NPAS3: variants seen among roughly 807,000 people sequenced by gnomAD.
NPAS3 encodes the protein neuronal PAS domain-containing protein 3.
A neutral mutation model predicts 73.1 loss-of-function variants in NPAS3; 14 were observed. The observed-to-expected ratio is 0.19, with a 90% confidence interval of 0.13 to 0.30. The LOEUF (loss-of-function observed/expected upper bound fraction) is 0.30. Among genes scored for constraint, NPAS3 ranks in the 10% least tolerant of loss-of-function variants. The probability of loss-of-function intolerance (pLI) is 1.00; values close to 1 mark genes in which losing one functional copy is unlikely to be tolerated. For synonymous variants in NPAS3, 620 were observed against 541.5 expected (o/e 1.14, Z -2.01); for missense variants, 1,096 against 1,250.0 (o/e 0.88, Z 1.86).
chr14:32,980,794 C>T (rs1959162), intron 1 of NPAS3, among the ~76,000 whole-genome samples: 9,549 of 152,150 alleles, frequency 0.063, 536 homozygotes, highest in East Asian at 0.2. Context: ...CTATAACTGC[C>T]ATGAATTTGA....
intron 3 of NPAS3, among the ~76,000 whole-genome samples, chr14:33,276,860 G>A (rs955490428): frequency 6.6e-6 from 1 of 151,972 alleles, no homozygotes; most frequent in African/African-American, 2.4e-5. Flanking sequence ...TTCTAAGGTA[G>A]AATTCTGCTT....
At chr14:33,130,900 A>G (rs1213292939) in intron 2 of NPAS3, among the ~76,000 whole-genome samples, 3 of 152,188 alleles carry the variant, frequency 2.0e-5, no homozygotes, top group African/African-American at 4.8e-5. Context: ...AGCTTGTGTT[A>G]TAAGAAACCT....
intron 2 of NPAS3, among the ~76,000 whole-genome samples, chr14:33,107,401 C>G (rs1394970993): frequency 7.9e-5 from 12 of 152,102 alleles, no homozygotes; most frequent in Non-Finnish European, 1.2e-4. Flanking sequence ...AACCCTTACC[C>G]TCTTCCTGTC....
chr14:33,750,394 A>G (rs2061930760), intron 7 of NPAS3, among the ~76,000 whole-genome samples: 1 of 152,174 alleles, frequency 6.6e-6, no homozygotes, highest in Non-Finnish European at 1.5e-5. Flanking sequence ...GCTTTTAAAG[A>G]AAGCTGAACG....
In NPAS3 at chr14:33,379,194, C is replaced by T. The variant is rs576213311; in HGVS notation, c.468+11926C>T. ...TATAATTATGTATATGCAAATACTC[C>T]TCTCACTTCTGGTCCCAAGCTTTTT... On this transcript the variant is annotated intron_variant, in intron 4 of 11. Transcript: ENST00000356141. Among the ~76,000 whole-genome samples, 18 of 149,720 alleles carry T rather than the reference C, an allele frequency of 1.2e-4. No individual in the cohort carries two copies. The East Asian group carries it at 3.5e-3, about 29-fold the overall frequency.
At chr14:33,002,481 A>G (rs1370469724) in intron 1 of NPAS3, among the ~76,000 whole-genome samples, 1 of 152,208 alleles carries the variant, frequency 6.6e-6, no homozygotes, top group Non-Finnish European at 1.5e-5. Context: ...TCAAGTTGCA[A>G]ATAGACAAAT....
chr14:33,521,670 A>G (rs2053563049), intron 4 of NPAS3, among the ~76,000 whole-genome samples: 1 of 151,992 alleles, frequency 6.6e-6, no homozygotes, highest in Non-Finnish European at 1.5e-5. Context: ...TGTATTGACC[A>G]TTTTTTTCAT....
chr14:33,057,297 T>A (rs2040924711), intron 2 of NPAS3, among the ~76,000 whole-genome samples: 1 of 152,234 alleles, frequency 6.6e-6, no homozygotes, highest in Non-Finnish European at 1.5e-5. Context: ...TGCAGAATTG[T>A]TACTGATCAT....
chr14:33,596,770 A>G (rs1426139481), intron 5 of NPAS3, among the ~76,000 whole-genome samples: 1 of 152,224 alleles, frequency 6.6e-6, no homozygotes, highest in African/African-American at 2.4e-5. Context: ...CTGGATTGTC[A>G]TATATTCATT....
chr14:33,717,506 A>G (rs1039259495), intron 6 of NPAS3, among the ~76,000 whole-genome samples: 2 of 152,190 alleles, frequency 1.3e-5, no homozygotes, highest in African/African-American at 4.8e-5. Flanking sequence ...AGAGATAGAT[A>G]TTATTATAGA....
intron 1 of NPAS3, among the ~76,000 whole-genome samples, chr14:32,994,638 T>TTTTG (rs2038486816): frequency 6.8e-6 from 1 of 147,238 alleles, no homozygotes; most frequent in Non-Finnish European, 1.5e-5. Flanking sequence ...TTGTTTTTGT[T>TTTTG]TTTTTTTTTT....
intron 3 of NPAS3, among the ~76,000 whole-genome samples, chr14:33,363,278 A>C (rs936157564): frequency 6.6e-6 from 1 of 152,106 alleles, no homozygotes; most frequent in African/African-American, 2.4e-5. Flanking sequence ...ACTGCACTGA[A>C]TTAATTCTCA....
intron 1 of NPAS3, among the ~76,000 whole-genome samples, chr14:33,048,603 A>C (rs2040594165): frequency 6.6e-6 from 1 of 152,222 alleles, no homozygotes. Context: ...ACAGTGCCTC[A>C]AACCATGTAG....
chr14:33,448,639 C>T (rs1426741964), intron 4 of NPAS3, among the ~76,000 whole-genome samples: 1 of 152,116 alleles, frequency 6.6e-6, no homozygotes, highest in Non-Finnish European at 1.5e-5. Context: ...GATTATCTTG[C>T]AAGGAAGAAC....
chr14:33,694,983 A>G (rs2060335869), intron 6 of NPAS3, among the ~76,000 whole-genome samples: 2 of 152,176 alleles, frequency 1.3e-5, no homozygotes, highest in Non-Finnish European at 2.9e-5. Context: ...GCAAAGAAAA[A>G]TATTGCCTGG....
intron 4 of NPAS3, among the ~76,000 whole-genome samples, chr14:33,373,816 A>G (rs577013642): frequency 6.6e-6 from 1 of 152,254 alleles, no homozygotes; most frequent in Admixed American, 6.5e-5. Flanking sequence ...TTCCATGAGC[A>G]TACTCTCTGA....
At chr14:33,232,932 C>T (rs1042393034) in intron 3 of NPAS3, among the ~76,000 whole-genome samples, 16 of 152,068 alleles carry the variant, frequency 1.1e-4, no homozygotes, top group African/African-American at 2.7e-4. Flanking sequence ...GATTTAGGGG[C>T]GGAAGAAAAC....
chr14:33,247,283 TTC>T (rs1184395980), intron 3 of NPAS3, among the ~76,000 whole-genome samples: 2 of 152,234 alleles, frequency 1.3e-5, no homozygotes, highest in African/African-American at 4.8e-5. Flanking sequence ...ATAAAAGATT[TTC>T]TGATTTTGAC....
intron 8 of NPAS3, among the ~76,000 whole-genome samples, chr14:33,774,991 T>G (rs2062767972): frequency 6.6e-6 from 1 of 152,080 alleles, no homozygotes; most frequent in Non-Finnish European, 1.5e-5. Context: ...AAAAAGAAAT[T>G]TACAAAGCTA....
Sources: gnomAD v4.1 joint callset for allele counts (sites outside exome capture counted in the v4.1 genomes callset) on GRCh38, gnomAD v4.1.1 for gene constraint, MANE v1.5 for transcripts, NCBI Gene and HGNC (gene_info 2026-07-23, HGNC 2026-07-21) for gene names.